Variants in DSCAM observed in about 807,000 individuals in gnomAD.
The protein encoded by DSCAM is DS cell adhesion molecule.
Under a neutral mutation model 217.7 loss-of-function variants are expected in DSCAM, and 47 were observed. The ratio of observed to expected loss-of-function variants is 0.22; its 90% confidence interval spans 0.17 to 0.28. The LOEUF (loss-of-function observed/expected upper bound fraction) is 0.28, where lower values mean the gene tolerates loss of function less well. Ranked by LOEUF, DSCAM falls within the 10% of genes least tolerant of loss-of-function variation. DSCAM has a pLI of 1.00. For missense variants in DSCAM, 2,080 were observed against 2,618.3 expected, an observed-to-expected ratio of 0.79 and a Z score of 4.49; for synonymous variants, 1,056 against 1,015.3, an observed-to-expected ratio of 1.04 and a Z score of -0.76.
intron 1 of DSCAM, among the ~76,000 whole-genome samples, chr21:40,784,771 C>T (rs139603494): frequency 2.6e-5 from 4 of 152,296 alleles, no homozygotes; most frequent in African/African-American, 4.8e-5. Context: ...TGACCATCTA[C>T]GAACCAGGAA....
chr21:40,049,205 T>C (rs915144216), intron 30 of DSCAM, among the ~76,000 whole-genome samples: 10 of 152,168 alleles, frequency 6.6e-5, no homozygotes, highest in Non-Finnish European at 1.2e-4. Flanking sequence ...GGACAGCATC[T>C]CAGCACTCTC....
intron 3 of DSCAM, among the ~76,000 whole-genome samples, chr21:40,680,763 G>A (rs1429295969): frequency 6.6e-6 from 1 of 152,156 alleles, no homozygotes; most frequent in Non-Finnish European, 1.5e-5. Flanking sequence ...TCCCATACAT[G>A]AGCCTTGGAG....
chr21:40,105,459 CAGTG>C (rs2089807377), intron 20 of DSCAM, among the ~76,000 whole-genome samples: 1 of 152,152 alleles, frequency 6.6e-6, no homozygotes, highest in African/African-American at 2.4e-5. Flanking sequence ...GTTCTTGTGA[CAGTG>C]AGTGAGTTCT....
chr21:40,635,257 G>T (rs2089742404), intron 3 of DSCAM, among the ~76,000 whole-genome samples: 2 of 152,168 alleles, frequency 1.3e-5, no homozygotes, highest in Non-Finnish European at 2.9e-5. Context: ...AGCCTGGAGG[G>T]AGGGATGTCA....
At chr21:40,087,641 C>T (rs1056107949) in intron 21 of DSCAM, among the ~76,000 whole-genome samples, 4 of 152,180 alleles carry the variant, frequency 2.6e-5, no homozygotes, top group Admixed American at 1.3e-4. Context: ...AAAAACTGCT[C>T]ATTAAAATAT....
intron 11 of DSCAM, among the ~76,000 whole-genome samples, chr21:40,196,470 T>A (rs759423579): frequency 6.6e-5 from 10 of 152,150 alleles, no homozygotes; most frequent in Admixed American, 3.3e-4. Flanking sequence ...ATGCATGGAT[T>A]TATTTAAGTT....
At chr21:40,244,065 G>T (rs886931424) in intron 11 of DSCAM, among the ~76,000 whole-genome samples, 1 of 152,096 alleles carries the variant, frequency 6.6e-6, no homozygotes, top group African/African-American at 2.4e-5. Context: ...TTTTAAACTG[G>T]TCTACTGCCA....
chr21:40,631,905 C>T (rs1264947408), intron 3 of DSCAM, among the ~76,000 whole-genome samples: 4 of 152,246 alleles, frequency 2.6e-5, no homozygotes, highest in African/African-American at 4.8e-5. Context: ...ACACTATCCT[C>T]GCCACCATGG....
At chr21:40,347,647 A>G in intron 6 of DSCAM, 23 bp downstream of exon 6, 1 of 1,612,322 alleles carries the variant, frequency 6.2e-7, no homozygotes, top group Non-Finnish European at 8.5e-7. Context: ...TTTCAGCCAT[A>G]CCCTGAAACG....
At chr21:40,309,393 C>G (rs1285160984) in intron 9 of DSCAM, among the ~76,000 whole-genome samples, 1 of 152,122 alleles carries the variant, frequency 6.6e-6, no homozygotes, top group African/African-American at 2.4e-5. Flanking sequence ...TTAATATTCT[C>G]TTTCTCGATT....
chr21:40,236,318 C>G (rs1393172387), intron 11 of DSCAM, among the ~76,000 whole-genome samples: 1 of 152,198 alleles, frequency 6.6e-6, no homozygotes, highest in South Asian at 2.1e-4. Context: ...AGTGCCCACT[C>G]TGAAGAGCAT....
At chr21:40,392,246 T>A (rs1160261172) in intron 3 of DSCAM, among the ~76,000 whole-genome samples, 1 of 152,180 alleles carries the variant, frequency 6.6e-6, no homozygotes, top group Non-Finnish European at 1.5e-5. Flanking sequence ...ATAAGTGATA[T>A]TTATGTACAG....
At chr21:40,522,406 G>A (rs887175012) in intron 3 of DSCAM, among the ~76,000 whole-genome samples, 1 of 152,194 alleles carries the variant, frequency 6.6e-6, no homozygotes, top group Non-Finnish European at 1.5e-5. Context: ...TGATGTTCAT[G>A]ATCATCAGGC....
At position 40,732,526 on chromosome 21, in the gene DSCAM, G is replaced by T. The variant is rs547901842; in HGVS notation, c.44-23755C>A. ...ATTCAATAACTTCATCTCCTTGGAG[G>T]CTCCTTGCCTGACTGATGTGGACAA... is the stretch of plus-strand genomic sequence containing the variant. On this transcript the variant is annotated intron_variant, in intron 1 of 32. Coordinates refer to ENST00000400454, the MANE Select transcript of DSCAM (RefSeq NM_001389.5). Among the ~76,000 whole-genome samples, 3 of 152,224 alleles carry T rather than the reference G, an allele frequency of 2.0e-5. No homozygotes were observed. The East Asian group carries it at 5.8e-4, about 29-fold the overall frequency.
At chr21:40,171,764 CTTCT>C (rs1013172303) in intron 15 of DSCAM, among the ~76,000 whole-genome samples, 23 of 152,096 alleles carry the variant, frequency 1.5e-4, no homozygotes, top group Admixed American at 6.5e-4. Context: ...AAAAATTTCC[CTTCT>C]TTAAGAATTT....
chr21:40,212,655 TA>T (rs1264799789), intron 11 of DSCAM, among the ~76,000 whole-genome samples: 5 of 152,146 alleles, frequency 3.3e-5, no homozygotes, highest in Non-Finnish European at 7.3e-5. Flanking sequence ...TAGGGGTTGA[TA>T]TTTTTCAGTT....
chr21:40,715,330 C>T (rs912378674), intron 1 of DSCAM, among the ~76,000 whole-genome samples: 4 of 152,172 alleles, frequency 2.6e-5, no homozygotes, highest in African/African-American at 4.8e-5. Context: ...TTACTTGAAA[C>T]ATCCATCGTT....
intron 3 of DSCAM, among the ~76,000 whole-genome samples, chr21:40,469,611 T>C (rs144133680): frequency 2.4e-4 from 37 of 152,322 alleles, no homozygotes; most frequent in African/African-American, 8.9e-4. Context: ...ATGATTATAA[T>C]AGATTTAACT....
chr21:40,220,891 T>C (rs2091283973), intron 11 of DSCAM, among the ~76,000 whole-genome samples: 1 of 152,204 alleles, frequency 6.6e-6, no homozygotes, highest in African/African-American at 2.4e-5. Flanking sequence ...GCCACGAGGC[T>C]GCACAAGCTT....
Sources: allele counts gnomAD v4.1 joint callset (sites outside exome capture counted in the v4.1 genomes callset), GRCh38; gene constraint gnomAD v4.1.1; transcripts MANE v1.5; gene names NCBI Gene and HGNC (gene_info 2026-07-23, HGNC 2026-07-21).